The following CYP17A1 variants were observed in gnomAD, a reference collection of about 807,000 sequenced individuals.
CYP17A1 encodes the protein steroid 17-alpha-hydroxylase/17,20 lyase.
In CYP17A1, 27 loss-of-function variants were observed where a neutral mutation model predicts 38.5. That is an observed-to-expected ratio of 0.70 (90% CI 0.52 to 0.97). CYP17A1 has a LOEUF of 0.97. Ranked by LOEUF, CYP17A1 falls within the 50% of genes least tolerant of loss-of-function variation. The probability of loss-of-function intolerance (pLI) is 0.00; values close to 1 mark genes in which losing one functional copy is unlikely to be tolerated. For synonymous variants in CYP17A1, 263 were observed against 253.3 expected (o/e 1.04, Z -0.36); for missense variants, 549 against 645.9 (o/e 0.85, Z 1.63).
rs764087679 is a variant in CYP17A1, at chr10:102,835,065, C to T, written c.437-51G>A. ...GGGAAATGAATCAGCACCCTTACCC[C>T]CTCTCTGTACCAGTTGCCTCTTAAC... On this transcript the variant is annotated intron_variant, in intron 2 of 7. Transcript: ENST00000369887. 7 of 1,214,264 alleles carry T rather than the reference C, an allele frequency of 5.8e-6. No homozygotes were observed. In the African/African-American group the frequency reaches 5.9e-5, roughly 10 times the overall value. The allele number at this position is 1,214,264 out of a possible 1,614,324, so 75.2% of individuals were successfully genotyped here.
In CYP17A1 at chr10:102,837,051, TG is replaced by T; in HGVS notation, c.297+13del. On this transcript the variant is annotated intron_variant, in intron 1 of 7. Transcript: ENST00000369887. The stretch of plus-strand genomic sequence containing the variant: ...GGTGGTGAAGGGGGCAGGGAGGAGA[TG>T]GGCACCACTTACCATTTGAGGCCGC... 2 of 1,522,668 alleles carry T rather than the reference TG, an allele frequency of 1.3e-6. No individual in the cohort carries two copies. Among genetic ancestry groups the T allele is most frequent in the Non-Finnish European group, 1.8e-6 (2 of 1,097,784 alleles). 94.3% of individuals were successfully genotyped at this position (1,522,668 alleles called of 1,614,324 possible).
In CYP17A1 at chr10:102,835,049, A is replaced by G. The variant is rs1238692329; in HGVS notation, c.437-35T>C. 3 of 1,330,388 alleles carry G rather than the reference A, an allele frequency of 2.3e-6. No homozygotes were observed. The Admixed American group carries it at 5.0e-5, about 22-fold the overall frequency. The allele number at this position is 1,330,388 out of a possible 1,614,324, so 82.4% of individuals were successfully genotyped here. On this transcript the variant is annotated intron_variant, in intron 2 of 7. Coordinates refer to ENST00000369887, the MANE Select transcript of CYP17A1 (RefSeq NM_000102.4). The stretch of plus-strand genomic sequence containing the variant: ...GAGGGGGCATGAGGGTGGGAAATGA[A>G]TCAGCACCCTTACCCCCTCTCTGTA...
chr10:102,831,699 G>A, intron 6 of CYP17A1, 88 bp from the exon 7 acceptor site: 1 of 1,577,680 alleles, frequency 6.3e-7, no homozygotes, highest in Non-Finnish European at 8.6e-7. Flanking sequence ...CTTCCGCCGT[G>A]AGGAAAATGC....
At chr10:102,836,479 A>AAG (rs1844164315) in intron 1 of CYP17A1, among the ~76,000 whole-genome samples, 1 of 140,384 alleles carries the variant, frequency 7.1e-6, no homozygotes, top group Non-Finnish European at 1.6e-5. Flanking sequence ...AAAAAAAAAA[A>AAG]TGCTGAGAGG....
rs572640403 is a variant in CYP17A1, at chr10:102,833,658, G to A, written c.753+378C>T. The A allele has an allele frequency of 2.1e-5, 6 of 283,814 alleles. No homozygotes were observed. The South Asian group carries it at 2.3e-4, about 11-fold the overall frequency. The allele number at this position is 283,814 out of a possible 1,614,324, so 17.6% of individuals were successfully genotyped here. On this transcript the variant is annotated intron_variant, in intron 4 of 7. Transcript: ENST00000369887. The stretch of plus-strand genomic sequence containing the variant: ...TTTAGTAGAGACAGAGTTTCTCCAT[G>A]TTGGTCAGGCTGGTCTCGAACTCCC...
At chr10:102,834,376 C>T (rs956273196) in intron 3 of CYP17A1, 5 of 564,310 alleles carry the variant, frequency 8.9e-6, no homozygotes, top group Admixed American at 3.1e-5. Context: ...CAAGCGCTGA[C>T]TCTGCTATGT....
At position 102,830,635 on chromosome 10, in the gene CYP17A1, G is replaced by A; in HGVS notation, c.*67C>T. ...AGGGAAGAATGGCGGAGAAGGGTGG[G>A]GGGTTGTATCTCTAAATCTGTGTTG... is the stretch of plus-strand genomic sequence containing the variant. On this transcript the variant is annotated 3_prime_UTR_variant, in exon 8 of 8. Transcript: ENST00000369887. The surrounding 1 kb of genome is among the most constrained non-coding windows in gnomAD (Gnocchi z 4.1). 6 of 868,628 alleles carry A rather than the reference G, an allele frequency of 6.9e-6. No individual in the cohort carries two copies. Among genetic ancestry groups the A allele is most frequent in the South Asian group, 1.4e-5 (1 of 70,858 alleles). 53.8% of individuals were successfully genotyped at this position (868,628 alleles called of 1,614,324 possible).
chr10:102,835,157 G>T, intron 2 of CYP17A1, 97 bp downstream of exon 2: 1 of 1,213,338 alleles, frequency 8.2e-7, no homozygotes, highest in Non-Finnish European at 1.2e-6. Flanking sequence ...GCTGCATTGC[G>T]CTCTAGTCCT....
At chr10:102,833,606 G>A (rs1264998963) in intron 4 of CYP17A1, 6 of 287,968 alleles carry the variant, frequency 2.1e-5, no homozygotes, top group Admixed American at 1.0e-4. Context: ...ATAGGCATGC[G>A]CCACCGTGCC....
In CYP17A1 at chr10:102,830,623, G is replaced by A. The variant is rs758850390; in HGVS notation, c.*79C>T. The A allele has an allele frequency of 1.1e-5, 9 of 808,808 alleles. No individual in the cohort carries two copies. Among genetic ancestry groups the A allele is most frequent in the Admixed American group, 4.0e-5 (2 of 50,100 alleles). 50.1% of individuals were successfully genotyped at this position (808,808 alleles called of 1,614,324 possible). A position where few individuals can be genotyped will look rare whatever the true frequency, so the allele number is the denominator to read the frequency against. On this transcript the variant is annotated 3_prime_UTR_variant, in exon 8 of 8. Coordinates refer to ENST00000369887, the MANE Select transcript of CYP17A1 (RefSeq NM_000102.4). This position sits in a 1 kb window ranked among gnomAD's most constrained non-coding sequence, Gnocchi z 4.1. Reference sequence around the variant, plus strand: ...TGGGTTGGGAGTAGGGAAGAATGGCGGAGAAGGGTGGGGGGTTGTATCTCT... The same window carrying A: ...TGGGTTGGGAGTAGGGAAGAATGGCAGAGAAGGGTGGGGGGTTGTATCTCT...
At chr10:102,831,097 G>A in intron 7 of CYP17A1, 112 bp from the exon 8 acceptor site, 1 of 458,064 alleles carries the variant, frequency 2.2e-6, no homozygotes, top group Admixed American at 3.1e-5. Context: ...CTGATCTGAG[G>A]ATGTAGCCTT....
rs755207893 is a variant in CYP17A1, at chr10:102,834,022, GCT to G, written c.753+12_753+13del. ...TTTAGCCTAACTCATATTCTCTTCT[GCT>G]CTATCACCTACCTTGTAATTTTCAA... On this transcript the variant is annotated intron_variant, in intron 4 of 7. Coordinates refer to ENST00000369887, the MANE Select transcript of CYP17A1 (RefSeq NM_000102.4). 3 of 974,444 alleles carry G rather than the reference GCT, an allele frequency of 3.1e-6. No individual in the cohort carries two copies. The Admixed American group carries it at 5.1e-5, about 16-fold the overall frequency. 60.4% of individuals were successfully genotyped at this position (974,444 alleles called of 1,614,324 possible).
At chr10:102,835,929 GT>G (rs34485280) in intron 1 of CYP17A1, among the ~76,000 whole-genome samples, 1 of 152,194 alleles carries the variant, frequency 6.6e-6, no homozygotes, top group Admixed American at 6.5e-5. Flanking sequence ...GAGTGCAGAT[GT>G]TTTGTCTACC....
At chr10:102,833,457 AG>A (rs1172856995) in intron 4 of CYP17A1, 2 of 467,522 alleles carry the variant, frequency 4.3e-6, no homozygotes, top group Non-Finnish European at 7.3e-6. Flanking sequence ...TCCTTGAGTC[AG>A]TTTTTTTTTT....
At position 102,833,031 on chromosome 10, in the gene CYP17A1, C is replaced by A; in HGVS notation, c.931G>T (p.Val311Phe). 1 of 1,614,226 alleles carries A rather than the reference C, an allele frequency of 6.2e-7. No individual in the cohort carries two copies. The highest frequency in any genetic ancestry group is 2.2e-5 in the East Asian group (1 of 44,886). ...AGCAGGAAGGCCAGGGTCCATTTAA[C>A]CACAGAGGTGGTGGTCTCCACGCCA... ...GAGVETTTSV[V>F]KWTLAFLLHN... The change falls in exon 5 of 8, where the codon GTT (valine) becomes TTT (phenylalanine). Residue 311 changes from valine (V) to phenylalanine (F), a missense_variant. Around this residue, in one of 3 missense-constraint regions of CYP17A1, gnomAD observed 257 missense variants for 307.9 expected, o/e 0.83. Coordinates refer to ENST00000369887, the MANE Select transcript of CYP17A1 (RefSeq NM_000102.4).
intron 4 of CYP17A1, 34 bp from the exon 5 acceptor site, chr10:102,833,242 G>A (rs200214966): frequency 1.9e-6 from 3 of 1,613,742 alleles, no homozygotes; most frequent in Non-Finnish European, 2.5e-6. Context: ...CATTAATAAG[G>A]AAGGAGCCCC....
intron 3 of CYP17A1, chr10:102,834,403 TGA>T (rs563912787): frequency 4.0e-4 from 219 of 551,634 alleles, no homozygotes; most frequent in Non-Finnish European, 6.0e-4. Context: ...CCCTTAGGAG[TGA>T]GAGAGACATG....
chr10:102,835,284 T>C lies in CYP17A1; in HGVS notation c.406A>G (p.Lys136Glu). ...RLAMATFALFKDGDQKLEKII... is the reference protein window; with the variant it reads ...RLAMATFALFEDGDQKLEKII... The stretch of plus-strand genomic sequence containing the variant: ...TTCTCCAGCTTCTGATCGCCATCCT[T>C]GAACAGGGCAAAGGTGGCCATCGCC... The change falls in exon 2 of 8, where the codon AAG becomes GAG. Residue 136 changes from lysine to glutamate, a missense_variant. Coordinates refer to ENST00000369887, the MANE Select transcript of CYP17A1 (RefSeq NM_000102.4). The C allele has an allele frequency of 6.2e-7, 1 of 1,613,662 alleles. No homozygotes were observed. Among genetic ancestry groups the C allele is most frequent in the Non-Finnish European group, 8.5e-7 (1 of 1,179,568 alleles).
chr10:102,832,130 G>A (rs1260616618), intron 6 of CYP17A1, among the ~76,000 whole-genome samples: 1 of 152,128 alleles, frequency 6.6e-6, no homozygotes, highest in Non-Finnish European at 1.5e-5. Flanking sequence ...CTGGAGTGCA[G>A]TGGTGCAATC....
Sources: allele counts gnomAD v4.1 joint callset (sites outside exome capture counted in the v4.1 genomes callset), GRCh38; gene constraint gnomAD v4.1.1; regional missense constraint gnomAD v4.1.1; non-coding constraint Gnocchi (gnomAD v3.1); transcripts MANE v1.5; gene names NCBI Gene and HGNC (gene_info 2026-07-23, HGNC 2026-07-21).